Variants in CPNE2 observed in about 807,000 individuals in gnomAD.
The protein encoded by CPNE2 is copine-2.
A neutral mutation model predicts 69.7 loss-of-function variants in CPNE2; 42 were observed. The ratio of observed to expected loss-of-function variants is 0.60; its 90% CI spans 0.47 to 0.78. The LOEUF is 0.78. CPNE2 is among the 30% of genes least tolerant of loss of function. CPNE2 has a pLI of 0.00. For missense variants in CPNE2, 587 were observed against 732.0 expected (o/e 0.80, Z 2.29); for synonymous variants, 294 against 289.8 (o/e 1.01, Z -0.15).
intron 12 of CPNE2, among the ~76,000 whole-genome samples, chr16:57,132,544 T>A (rs2069845031): frequency 6.6e-6 from 1 of 152,198 alleles, no homozygotes; most frequent in African/African-American, 2.4e-5. Context: ...ACCTCAAGGC[T>A]GAGCCAGGCC....
At chr16:57,116,772 A>T (rs1178153621) in intron 4 of CPNE2, among the ~76,000 whole-genome samples, 1 of 152,146 alleles carries the variant, frequency 6.6e-6, no homozygotes, top group Non-Finnish European at 1.5e-5. Flanking sequence ...AACGGGCAAC[A>T]TGGCTGGCCT....
At chr16:57,128,716 A>G (rs1293229777) in intron 12 of CPNE2, among the ~76,000 whole-genome samples, 1 of 152,182 alleles carries the variant, frequency 6.6e-6, no homozygotes, top group African/African-American at 2.4e-5. Flanking sequence ...AATAATGTAC[A>G]TTGTACCCAG....
Position 57,117,497 on chromosome 16 carries a change from T to TCGCTGCCCAGGAGCTGTCCGACAAC in CPNE2, c.441_465dup (p.Val156CysfsTer36). The TCGCTGCCCAGGAGCTGTCCGACAAC allele has an allele frequency of 6.2e-7, 1 of 1,613,338 alleles. No individual in the cohort carries two copies. Among genetic ancestry groups the TCGCTGCCCAGGAGCTGTCCGACAAC allele is most frequent in the Non-Finnish European group, 8.5e-7 (1 of 1,179,758 alleles). On this transcript the variant is annotated frameshift_variant and splice_region_variant, in exon 5 of 16. Transcript: ENST00000290776. LOFTEE classifies it high-confidence loss of function. The stretch of plus-strand genomic sequence containing the variant: ...GCCCCTCATGTCCCGGCCTTACAGA[T>TCGCTGCCCAGGAGCTGTCCGACAAC]CGCTGCCCAGGAGCTGTCCGACAAC...
chr16:57,126,073 A>G (rs1209540986), intron 11 of CPNE2, 80 bp downstream of exon 11: 2 of 1,549,932 alleles, frequency 1.3e-6, no homozygotes, highest in East Asian at 2.3e-5. Context: ...GCTAGAAGGG[A>G]CCCAGAGATC....
chr16:57,109,278 C>A (rs2069665542), intron 1 of CPNE2, among the ~76,000 whole-genome samples: 1 of 152,090 alleles, frequency 6.6e-6, no homozygotes, highest in Non-Finnish European at 1.5e-5. Context: ...GAGTTTGAGA[C>A]CAGCCTGGTC....
intron 10 of CPNE2, 113 bp downstream of exon 10, chr16:57,123,586 T>G (rs1358352329): frequency 7.8e-6 from 9 of 1,148,494 alleles, no homozygotes; most frequent in Non-Finnish European, 1.2e-5. Flanking sequence ...CAGGAAGGAC[T>G]TCCCTGGGGC....
At chr16:57,107,958 C>T in intron 1 of CPNE2, among the ~76,000 whole-genome samples, 1 of 151,526 alleles carries the variant, frequency 6.6e-6, no homozygotes. Flanking sequence ...GCAATCTCCA[C>T]CTCCTGGGTT....
chr16:57,142,683 G>A lies in CPNE2; in HGVS notation c.1303-3402G>A, dbSNP rs113848376. On this transcript the variant is annotated intron_variant, in intron 14 of 15. Coordinates refer to ENST00000290776, the MANE Select transcript of CPNE2 (RefSeq NM_152727.6). ...GGCCCATTCCTGGTTGGTCACCCAG[G>A]TGTCTGGTGTCCCAGTGGAGGGGGA... The A allele has an allele frequency of 1.6e-4, 25 of 152,280 alleles. 1 individual carries two copies. In the East Asian group the frequency reaches 4.1e-3, roughly 25 times the overall value. 9.4% of individuals were successfully genotyped at this position (152,280 alleles called of 1,614,324 possible).
At chr16:57,134,464 C>T (rs2069862082) in intron 12 of CPNE2, among the ~76,000 whole-genome samples, 1 of 152,180 alleles carries the variant, frequency 6.6e-6, no homozygotes, top group African/African-American at 2.4e-5. Flanking sequence ...CAGGGAAATC[C>T]CTGTCCCACC....
At chr16:57,138,211 C>A (rs1225102003) in intron 14 of CPNE2, among the ~76,000 whole-genome samples, 1 of 152,216 alleles carries the variant, frequency 6.6e-6, no homozygotes, top group African/African-American at 2.4e-5. Context: ...GCCCCCACCC[C>A]TTTCTCATCT....
intron 1 of CPNE2, among the ~76,000 whole-genome samples, chr16:57,103,349 C>G (rs1366767542): frequency 2.3e-5 from 3 of 131,700 alleles, no homozygotes; most frequent in African/African-American, 7.7e-5. Flanking sequence ...GCCTCAAACT[C>G]CTGGCCTCAA....
Position 57,137,154 on chromosome 16 carries a change from G to T in CPNE2, c.1174G>T (p.Asp392Tyr). The change falls in exon 14 of 16, where the codon GAT becomes TAT. Residue 392 changes from aspartate (D) to tyrosine (Y), a missense_variant. Coordinates refer to ENST00000290776, the MANE Select transcript of CPNE2 (RefSeq NM_152727.6). ...NPTNPFCSGV[D>Y]GIAQAYSACL... ...AGACTCTTCTCCCGAGGCAGGTGTG[G>T]ATGGTATTGCCCAGGCGTACTCAGC... The T allele has an allele frequency of 6.2e-7, 1 of 1,614,132 alleles. No homozygotes were observed. Among genetic ancestry groups the T allele is most frequent in the South Asian group, 1.1e-5 (1 of 91,076 alleles).
chr16:57,126,117 G>A, intron 11 of CPNE2, 124 bp downstream of exon 11: 2 of 1,246,820 alleles, frequency 1.6e-6, no homozygotes, highest in Non-Finnish European at 2.2e-6. Flanking sequence ...AATGGCATAG[G>A]TGCAGTTATT....
intron 12 of CPNE2, among the ~76,000 whole-genome samples, chr16:57,131,709 G>A (rs1024951226): frequency 8.5e-5 from 13 of 152,230 alleles, no homozygotes; most frequent in African/African-American, 3.1e-4. Flanking sequence ...TGCCATGGGA[G>A]CCGCCAGGCC....
intron 3 of CPNE2, among the ~76,000 whole-genome samples, chr16:57,114,374 A>T (rs1219586587): frequency 1.3e-5 from 2 of 152,192 alleles, no homozygotes; most frequent in Non-Finnish European, 2.9e-5. Flanking sequence ...TGTGGCCCAT[A>T]GAGGGAGGCC....
At chr16:57,140,013 C>T (rs1209776171) in intron 14 of CPNE2, among the ~76,000 whole-genome samples, 3 of 152,016 alleles carry the variant, frequency 2.0e-5, no homozygotes, top group African/African-American at 4.8e-5. Context: ...GAAGAGTGGC[C>T]GGGGTAGAGG....
intron 1 of CPNE2, among the ~76,000 whole-genome samples, chr16:57,099,269 T>C (rs2069597847): frequency 6.6e-6 from 1 of 152,224 alleles, no homozygotes. Context: ...TCCGTGTTAT[T>C]GCTACCTGTG....
At chr16:57,096,698 CA>C (rs34322802) in intron 1 of CPNE2, among the ~76,000 whole-genome samples, 2,516 of 57,006 alleles carry the variant, frequency 0.044, 36 homozygotes, top group African/African-American at 0.12. Context: ...GACCATGTCT[CA>C]AAAAAAAAAA....
At chr16:57,110,229 T>C (rs1269376644) in intron 1 of CPNE2, among the ~76,000 whole-genome samples, 3 of 148,646 alleles carry the variant, frequency 2.0e-5, no homozygotes, top group South Asian at 2.1e-4. Flanking sequence ...CTTTTCTTTT[T>C]TTTTTTTTTT....
Sources: gnomAD v4.1 joint callset for allele counts (sites outside exome capture counted in the v4.1 genomes callset) on GRCh38, gnomAD v4.1.1 for gene constraint, MANE v1.5 for transcripts, NCBI Gene and HGNC (gene_info 2026-07-23, HGNC 2026-07-21) for gene names.